The following GJC1 variants were observed in gnomAD, a reference collection of about 807,000 sequenced individuals.
GJC1 encodes the protein gap junction protein gamma 1, also known as gap junction gamma-1 protein.
GJC1 carries 5 observed loss-of-function variants against 29.3 expected under a neutral mutation model. That is an observed-to-expected ratio of 0.17 (90% CI 0.09 to 0.36). The LOEUF is 0.36. Among genes scored for constraint, GJC1 ranks in the 10% least tolerant of loss-of-function variants. The pLI is 1.00. For missense variants in GJC1, 310 were observed against 496.2 expected (o/e 0.62, Z 3.56); for synonymous variants, 177 against 183.3 (o/e 0.97, Z 0.28).
At chr17:44,827,075 A>G (rs182281565) in intron 1 of GJC1, among the ~76,000 whole-genome samples, 1 of 152,128 alleles carries the variant, frequency 6.6e-6, no homozygotes, top group Non-Finnish European at 1.5e-5. Context: ...TCTGGAAGGC[A>G]GAGGCAGGCG....
At chr17:44,829,280 A>G (rs2050205146) in intron 1 of GJC1, among the ~76,000 whole-genome samples, 2 of 152,174 alleles carry the variant, frequency 1.3e-5, no homozygotes, top group Admixed American at 1.3e-4. Flanking sequence ...CATCTTTTCA[A>G]CTCAGAGCTC....
Position 44,807,374 on chromosome 17 carries a change from A to G in GJC1, c.-21+20T>C, listed in dbSNP as rs2049923878. 6.6e-6 allele frequency: 1 copy of G among 152,204 alleles called. No homozygotes were observed. The highest frequency in any genetic ancestry group is 2.4e-5 in the African/African-American group (1 of 41,466). 9.4% of individuals were successfully genotyped at this position (152,204 alleles called of 1,614,324 possible). On this transcript the variant is annotated intron_variant, in intron 2 of 2. Coordinates refer to ENST00000592524, the MANE Select transcript of GJC1 (RefSeq NM_005497.4). Reference sequence around the variant, plus strand: ...TTACAGATGATTTGTCAGCACCACCAAAGTTTAAACACACTTTACCTGTTG... The same window carrying G: ...TTACAGATGATTTGTCAGCACCACCGAAGTTTAAACACACTTTACCTGTTG...
At chr17:44,812,651 CTT>C (rs1009889819) in intron 1 of GJC1, among the ~76,000 whole-genome samples, 1 of 146,026 alleles carries the variant, frequency 6.8e-6, no homozygotes, top group African/African-American at 2.5e-5. Flanking sequence ...TAAAAATGAA[CTT>C]TTTTTTTTTT....
At chr17:44,822,293 G>A (rs2050119416) in intron 1 of GJC1, among the ~76,000 whole-genome samples, 1 of 151,706 alleles carries the variant, frequency 6.6e-6, no homozygotes, top group Non-Finnish European at 1.5e-5. Context: ...GGAATAAGGA[G>A]GGAGTAACTG....
intron 1 of GJC1, among the ~76,000 whole-genome samples, chr17:44,821,697 CAAAAAAAAA>C (rs61303163): frequency 0.035 from 2,066 of 58,384 alleles, 43 homozygotes; most frequent in South Asian, 0.065. Flanking sequence ...AACTCCGTCT[CAAAAAAAAA>C]AAAAAAAAAA....
chr17:44,829,684 G>A (rs543654274), intron 1 of GJC1: 2 of 152,022 alleles, frequency 1.3e-5, no homozygotes, highest in East Asian at 2.0e-4. Context: ...CTAACCGCCC[G>A]GGTAGTTGTC....
chr17:44,813,535 C>T (rs1001570399), intron 1 of GJC1, among the ~76,000 whole-genome samples: 7 of 140,938 alleles, frequency 5.0e-5, no homozygotes, highest in African/African-American at 8.0e-5. Flanking sequence ...CTCTGTCGCC[C>T]AGGCTGGAGT....
chr17:44,800,549 T>C lies in GJC1; in HGVS notation c.*4078A>G, dbSNP rs1400075948. ...TGTATCATCAACTATCGATTTTATT[T>C]TCAGAAGTGGACTGTCTCTTAAATG... On this transcript the variant is annotated 3_prime_UTR_variant, in exon 3 of 3. Coordinates refer to ENST00000592524, the MANE Select transcript of GJC1 (RefSeq NM_005497.4). 2.0e-5 allele frequency: 3 copies of C among 152,242 alleles called. No homozygotes were observed. The highest frequency in any genetic ancestry group is 2.9e-5 in the Non-Finnish European group (2 of 68,046). 9.4% of individuals were successfully genotyped at this position (152,242 alleles called of 1,614,324 possible). A position where few individuals can be genotyped will look rare whatever the true frequency, so the allele number is the denominator to read the frequency against.
Position 44,829,656 on chromosome 17 carries a change from C to T in GJC1, c.-97+406G>A, listed in dbSNP as rs2050209291. 4.6e-5 allele frequency: 7 copies of T among 152,126 alleles called. No individual in the cohort carries two copies. The South Asian group carries it at 1.5e-3, about 32-fold the overall frequency. The allele number at this position is 152,126 out of a possible 1,614,324, so 9.4% of individuals were successfully genotyped here. On this transcript the variant is annotated intron_variant, in intron 1 of 2. Transcript: ENST00000592524. ...AGAGCCCGGGCGGCGAGGGGCGGCC[C>T]GGCTCCGCCCTGCGCCCCTAACCGC...
intron 2 of GJC1, among the ~76,000 whole-genome samples, chr17:44,806,246 A>G (rs1328918926): frequency 6.6e-6 from 1 of 152,112 alleles, no homozygotes; most frequent in African/African-American, 2.4e-5. Flanking sequence ...CTCACTCTCT[A>G]CTATCTTCAA....
chr17:44,795,727 C>G (rs967428046), downstream of GJC1, among the ~76,000 whole-genome samples: 1 of 152,214 alleles, frequency 6.6e-6, no homozygotes, highest in African/African-American at 2.4e-5. Context: ...AGCTGAAGCC[C>G]CAGTGGGCGT....
downstream of GJC1, among the ~76,000 whole-genome samples, chr17:44,796,153 T>C (rs1460922508): frequency 6.6e-6 from 1 of 152,170 alleles, no homozygotes; most frequent in Admixed American, 6.5e-5. Flanking sequence ...GGGCGAAGCA[T>C]TTGGGCAGGA....
chr17:44,824,915 G>GAA (rs552854574), intron 1 of GJC1, among the ~76,000 whole-genome samples: 11 of 88,686 alleles, frequency 1.2e-4, no homozygotes, highest in African/African-American at 2.1e-4. Context: ...TTTTGGGGAA[G>GAA]AAAAAAAAAA....
chr17:44,825,446 A>G (rs2050163264), intron 1 of GJC1, among the ~76,000 whole-genome samples: 1 of 151,980 alleles, frequency 6.6e-6, no homozygotes, highest in Admixed American at 6.6e-5. Context: ...AGATTGCGCG[A>G]CTGCACTCCA....
intron 1 of GJC1, chr17:44,829,814 C>T (rs1413319593): frequency 2.0e-5 from 3 of 152,070 alleles, no homozygotes; most frequent in African/African-American, 7.2e-5. Context: ...GGGAGCCGCG[C>T]GCCTGGGGAC....
rs967122926 is a variant in GJC1 at position 44,802,804 on chromosome 17, G to A, written c.*1823C>T. On this transcript the variant is annotated 3_prime_UTR_variant, in exon 3 of 3. Transcript: ENST00000592524. ...GAACCCAAAAGTTCGAGACCAGCCT[G>A]GGTAACATAGTGAGACCTCATCTCT... 6.6e-6 allele frequency: 1 copy of A among 152,198 alleles called. No individual in the cohort carries two copies. The highest frequency in any genetic ancestry group is 2.4e-5 in the African/African-American group (1 of 41,434). 9.4% of individuals were successfully genotyped at this position (152,198 alleles called of 1,614,324 possible). A position where few individuals can be genotyped will look rare whatever the true frequency, so the allele number is the denominator to read the frequency against.
intron 1 of GJC1, chr17:44,829,627 G>T (rs1338004746): frequency 6.6e-6 from 1 of 152,062 alleles, no homozygotes; most frequent in Non-Finnish European, 1.5e-5. Context: ...AGAGCAGCCC[G>T]CGAAGAGCCC....
rs530565657 is a variant in GJC1, at chr17:44,802,093, A to T, written c.*2534T>A. On this transcript the variant is annotated 3_prime_UTR_variant, in exon 3 of 3. Transcript: ENST00000592524. ...TGTGTGCATGTGGGGAGGTGACAGA[A>T]TATCTTTATATGTACTTTAAGAAGC... 1.3e-5 allele frequency: 2 copies of T among 152,204 alleles called. No homozygotes were observed. Among genetic ancestry groups the T allele is most frequent in the East Asian group, 3.8e-4 (2 of 5,204 alleles). 9.4% of individuals were successfully genotyped at this position (152,204 alleles called of 1,614,324 possible).
upstream of GJC1, among the ~76,000 whole-genome samples, chr17:44,831,041 G>A (rs983653028): frequency 6.6e-6 from 1 of 152,180 alleles, no homozygotes; most frequent in African/African-American, 2.4e-5. Context: ...AAAGAGATGG[G>A]CGACCTCTGG....
Sources: gnomAD v4.1 joint callset for allele counts (sites outside exome capture counted in the v4.1 genomes callset) on GRCh38, gnomAD v4.1.1 for gene constraint, MANE v1.5 for transcripts, NCBI Gene and HGNC (gene_info 2026-07-23, HGNC 2026-07-21) for gene names.